The following LIMD1 variants were observed in gnomAD, a reference collection of about 807,000 sequenced individuals.
LIMD1 encodes LIM domain-containing protein 1.
In LIMD1, 23 loss-of-function variants were observed where a neutral mutation model predicts 58.4. The observed-to-expected ratio is 0.39, with a 90% confidence interval of 0.28 to 0.56. The LOEUF is 0.56. LIMD1 is among the 20% of genes least tolerant of loss of function. The probability of loss-of-function intolerance (pLI) is 0.57; values close to 1 mark genes in which losing one functional copy is unlikely to be tolerated. For missense variants in LIMD1, 838 were observed against 855.5 expected (o/e 0.98, Z 0.25); for synonymous variants, 334 against 345.5 (o/e 0.97, Z 0.37).
intron 1 of LIMD1, among the ~76,000 whole-genome samples, chr3:45,630,967 G>C (rs1701725545): frequency 6.6e-6 from 1 of 152,162 alleles, no homozygotes. Context: ...ACTTTGGGAG[G>C]CCGAGGCGGG....
Position 45,674,431 on chromosome 3 carries a change from GCCCC to G in LIMD1, c.1893+22_1893+25del. The G allele has an allele frequency of 9.1e-7, 1 of 1,103,472 alleles. No individual in the cohort carries two copies. The highest frequency in any genetic ancestry group is 1.3e-6 in the Non-Finnish European group (1 of 775,050). 68.4% of individuals were successfully genotyped at this position (1,103,472 alleles called of 1,614,324 possible). A position where few individuals can be genotyped will look rare whatever the true frequency, so the allele number is the denominator to read the frequency against. On this transcript the variant is annotated intron_variant, in intron 7 of 7. Transcript: ENST00000273317. ...TGCGAGGTAGACCCCTCCCCACCCA[GCCCC>G]CAAAGCCCATTGTAGACATCCAAGA...
intron 1 of LIMD1, among the ~76,000 whole-genome samples, chr3:45,634,625 G>A (rs1162819008): frequency 6.6e-6 from 1 of 152,156 alleles, no homozygotes; most frequent in African/African-American, 2.4e-5. Flanking sequence ...CCCTACGAGG[G>A]GGCCACTGTT....
At chr3:45,675,224 G>A (rs751073133) in intron 7 of LIMD1, among the ~76,000 whole-genome samples, 1 of 152,202 alleles carries the variant, frequency 6.6e-6, no homozygotes, top group Non-Finnish European at 1.5e-5. Flanking sequence ...TTCTAGACCA[G>A]TGCTATCCAA....
intron 1 of LIMD1, among the ~76,000 whole-genome samples, chr3:45,632,277 C>T (rs1701741646): frequency 6.6e-6 from 1 of 152,212 alleles, no homozygotes; most frequent in African/African-American, 2.4e-5. Flanking sequence ...CATTACCAAA[C>T]AATAACCTAA....
At chr3:45,653,076 T>C (rs1473522389) in intron 2 of LIMD1, among the ~76,000 whole-genome samples, 1 of 152,242 alleles carries the variant, frequency 6.6e-6, no homozygotes, top group African/African-American at 2.4e-5. Context: ...AATTGGATAA[T>C]AACTACAGTT....
At chr3:45,673,584 T>A (rs1211209102) in intron 6 of LIMD1, 79 bp downstream of exon 6, 5 of 1,171,174 alleles carry the variant, frequency 4.3e-6, no homozygotes, top group Non-Finnish European at 6.4e-6. Flanking sequence ...AAGATCCATG[T>A]CCTGTCCTTA....
intron 2 of LIMD1, among the ~76,000 whole-genome samples, chr3:45,658,501 T>C (rs1405314356): frequency 7.2e-6 from 1 of 139,746 alleles, no homozygotes; most frequent in Non-Finnish European, 1.5e-5. Context: ...AGCAACCAAC[T>C]AGGAAATAAA....
At chr3:45,615,378 G>A (rs1033604685) in intron 1 of LIMD1, among the ~76,000 whole-genome samples, 5 of 152,162 alleles carry the variant, frequency 3.3e-5, no homozygotes, top group Non-Finnish European at 5.9e-5. Context: ...ATGGATTTAG[G>A]GGGGAGAAGT....
intron 1 of LIMD1, among the ~76,000 whole-genome samples, chr3:45,613,210 G>A (rs979572722): frequency 6.6e-6 from 1 of 152,162 alleles, no homozygotes; most frequent in Non-Finnish European, 1.5e-5. Context: ...CTGAGGGTTC[G>A]ATGTTAATGA....
intron 2 of LIMD1, among the ~76,000 whole-genome samples, chr3:45,664,573 G>A (rs1281076755): frequency 1.3e-5 from 2 of 152,196 alleles, no homozygotes; most frequent in Non-Finnish European, 1.5e-5. Context: ...CAAAGAAGAT[G>A]GATTTGTAGT....
At chr3:45,612,435 C>T (rs1424849811) in intron 1 of LIMD1, among the ~76,000 whole-genome samples, 2 of 152,168 alleles carry the variant, frequency 1.3e-5, no homozygotes, top group Non-Finnish European at 2.9e-5. Context: ...AGGCTCAATG[C>T]CTGGAAGTCA....
At chr3:45,668,430 T>C (rs1697546297) in intron 4 of LIMD1, 74 bp downstream of exon 4, 1 of 1,175,858 alleles carries the variant, frequency 8.5e-7, no homozygotes, top group South Asian at 1.3e-5. Flanking sequence ...AAGAAATTAA[T>C]AATTGAGGAC....
At chr3:45,655,520 G>A (rs1388558242) in intron 2 of LIMD1, among the ~76,000 whole-genome samples, 1 of 152,202 alleles carries the variant, frequency 6.6e-6, no homozygotes, top group Non-Finnish European at 1.5e-5. Context: ...TGCCAGTTCA[G>A]AGACAAGCCT....
chr3:45,665,724 G>A lies in LIMD1; in HGVS notation c.1578+7G>A. ...TTGTGAAGAAGACTTCCTGGTGAGT[G>A]TGTCACCGAAGCCTCCCCTTGCATG... On this transcript the variant is annotated splice_region_variant and intron_variant, in intron 3 of 7. Transcript: ENST00000273317. 1 of 1,612,728 alleles carries A rather than the reference G, an allele frequency of 6.2e-7. No homozygotes were observed. Among genetic ancestry groups the A allele is most frequent in the African/African-American group, 1.3e-5 (1 of 75,004 alleles).
chr3:45,637,009 T>C (rs1406496951), intron 2 of LIMD1, among the ~76,000 whole-genome samples: 1 of 152,202 alleles, frequency 6.6e-6, no homozygotes, highest in Non-Finnish European at 1.5e-5. Context: ...CTCAATCCTA[T>C]ACTGAGGCTA....
chr3:45,624,743 A>C (rs368019669), intron 1 of LIMD1, among the ~76,000 whole-genome samples: 102 of 152,090 alleles, frequency 6.7e-4, no homozygotes, highest in African/African-American at 2.2e-3. Context: ...CAAAACAAAA[A>C]AAAACTTTCC....
chr3:45,626,115 C>T (rs1260272484), intron 1 of LIMD1, among the ~76,000 whole-genome samples: 1 of 152,172 alleles, frequency 6.6e-6, no homozygotes, highest in African/African-American at 2.4e-5. Context: ...CTTGTTTTTG[C>T]CCTTTCCTGT....
At chr3:45,653,619 C>T (rs1701995583) in intron 2 of LIMD1, among the ~76,000 whole-genome samples, 1 of 152,046 alleles carries the variant, frequency 6.6e-6, no homozygotes, top group African/African-American at 2.4e-5. Flanking sequence ...AAGAGTTAAC[C>T]TATTCTGGGG....
At chr3:45,654,553 T>A (rs1349912526) in intron 2 of LIMD1, among the ~76,000 whole-genome samples, 1 of 152,040 alleles carries the variant, frequency 6.6e-6, no homozygotes, top group Non-Finnish European at 1.5e-5. Context: ...ATTCACGGCC[T>A]GCAGGTGGCT....
Sources: allele counts gnomAD v4.1 joint callset (sites outside exome capture counted in the v4.1 genomes callset), GRCh38; gene constraint gnomAD v4.1.1; transcripts MANE v1.5; gene names NCBI Gene and HGNC (gene_info 2026-07-23, HGNC 2026-07-21).